Variants in COL3A1 observed in about 807,000 individuals in gnomAD.
COL3A1 encodes the protein collagen alpha-1(III) chain.
A neutral mutation model predicts 200.9 loss-of-function variants in COL3A1; 46 were observed. That is an observed-to-expected ratio of 0.23 (90% CI 0.18 to 0.29). COL3A1 has a LOEUF of 0.29. Ranked by LOEUF, COL3A1 falls within the 10% of genes least tolerant of loss-of-function variation. The probability of loss-of-function intolerance (pLI) is 1.00; values close to 1 mark genes in which losing one functional copy is unlikely to be tolerated. For synonymous variants in COL3A1, 650 were observed against 628.0 expected, an observed-to-expected ratio of 1.03 and a Z score of -0.52; for missense variants, 1,367 against 1,917.6, an observed-to-expected ratio of 0.71 and a Z score of 5.36.
At position 189,011,362 on chromosome 2, in the gene COL3A1, G is replaced by A. The variant is rs10208311; in HGVS notation, c.4255-266G>A. ...ATTTATAAACCTGTTAGCAATGGCC[G>A]GAACCAGGCCTCCTGAGGATGCACT... On this transcript the variant is annotated intron_variant, in intron 50 of 50. Coordinates refer to ENST00000304636, the MANE Select transcript of COL3A1 (RefSeq NM_000090.4). 0.068 allele frequency among the ~76,000 whole-genome samples: 10,362 copies of A among 152,202 alleles called. 998 individuals are homozygous for A. Among genetic ancestry groups the A allele is most frequent in the African/African-American group, 0.22 (8,991 of 41,494 alleles).
chr2:189,010,062 A>G, intron 48 of COL3A1, 116 bp from the exon 49 acceptor site: 1 of 954,334 alleles, frequency 1.0e-6, no homozygotes, highest in Non-Finnish European at 1.6e-6. Flanking sequence ...CATTCTATAC[A>G]TAAAATGCAG....
Position 189,010,347 on chromosome 2 carries a change from C to T in COL3A1, c.3993C>T (p.Ser1331=), listed in dbSNP as rs750815694. The change falls in exon 49 of 51, where the codon TCC becomes TCT. Residue 1331 remains serine, a synonymous_variant. Coordinates refer to ENST00000304636, the MANE Select transcript of COL3A1 (RefSeq NM_000090.4). The part of the protein sequence containing the change: ...AEKKHVWFGE[S]MDGGFQFSYG... ...AGAAACACGTTTGGTTTGGAGAGTC[C>T]ATGGATGGTGGTTTTCAGGTAGGAA... The T allele has an allele frequency of 6.8e-6, 11 of 1,613,916 alleles. No homozygotes were observed. In the African/African-American group the frequency reaches 1.1e-4, roughly 16 times the overall value.
chr2:189,005,226 A>G, intron 40 of COL3A1, 124 bp from the exon 41 acceptor site: 1 of 933,532 alleles, frequency 1.1e-6, no homozygotes, highest in Non-Finnish European at 1.7e-6. Context: ...CATAGTTTTA[A>G]TTTTAAAATT....
Position 189,012,158 on chromosome 2 carries a change from T to G in COL3A1, c.*384T>G, listed in dbSNP as rs1387503521. 2 of 190,766 alleles carry G rather than the reference T, an allele frequency of 1.0e-5. No individual in the cohort carries two copies. The highest frequency in any genetic ancestry group is 2.2e-5 in the Non-Finnish European group (2 of 91,090). 11.8% of individuals were successfully genotyped at this position (190,766 alleles called of 1,614,324 possible). ...CTTTCTGAAATAGTCAAATACGAAA[T>G]TAGAAAAGCCCTCCCTATTTTAACT... On this transcript the variant is annotated 3_prime_UTR_variant, in exon 51 of 51. Coordinates refer to ENST00000304636, the MANE Select transcript of COL3A1 (RefSeq NM_000090.4).
chr2:189,008,775 C>A, intron 47 of COL3A1, 149 bp from the exon 48 acceptor site: 1 of 836,184 alleles, frequency 1.2e-6, no homozygotes, highest in Non-Finnish European at 2.0e-6. Context: ...TCACGTGACC[C>A]TAAAGGCACC....
intron 7 of COL3A1, 78 bp from the exon 8 acceptor site, chr2:188,989,318 G>A: frequency 9.6e-7 from 1 of 1,039,476 alleles, no homozygotes. Context: ...TTCCTTCCAG[G>A]AATACATACA....
At chr2:188,996,317 C>T in intron 23 of COL3A1, 81 bp from the exon 24 acceptor site, 1 of 1,048,374 alleles carries the variant, frequency 9.5e-7, no homozygotes, top group Non-Finnish European at 1.5e-6. Context: ...CACACACACA[C>T]ACACACACAC....
At chr2:188,989,008 A>G (rs1200942920) in intron 7 of COL3A1, among the ~76,000 whole-genome samples, 4 of 151,830 alleles carry the variant, frequency 2.6e-5, no homozygotes, top group Non-Finnish European at 5.9e-5. Flanking sequence ...ATATACATAT[A>G]TCTTAGACAG....
chr2:188,980,334 G>A (rs1687923816), intron 1 of COL3A1, among the ~76,000 whole-genome samples: 1 of 149,394 alleles, frequency 6.7e-6, no homozygotes, highest in Non-Finnish European at 1.5e-5. Flanking sequence ...TCAACTTAAA[G>A]GACATTTCTA....
chr2:188,983,754 C>A (rs1282714903), intron 1 of COL3A1, among the ~76,000 whole-genome samples: 1 of 151,900 alleles, frequency 6.6e-6, no homozygotes, highest in African/African-American at 2.4e-5. Flanking sequence ...AACAGTACAT[C>A]ATTTGTTGTT....
At chr2:188,980,327 A>G (rs1057173536) in intron 1 of COL3A1, among the ~76,000 whole-genome samples, 15 of 150,570 alleles carry the variant, frequency 1.0e-4, no homozygotes, top group African/African-American at 3.6e-4. Context: ...ATATTAATCA[A>G]CTTAAAGGAC....
chr2:189,004,255 A>G lies in COL3A1; in HGVS notation c.2824-2A>G. The G allele has an allele frequency of 6.2e-7, 1 of 1,601,178 alleles. No homozygotes were observed. Among genetic ancestry groups the G allele is most frequent in the Non-Finnish European group, 8.5e-7 (1 of 1,173,770 alleles). ...GAGCTAAGTCTTCATTATCTGTATT[A>G]GGGAGCTCCAGGCCCACTTGGGATT... On this transcript the variant is annotated splice_acceptor_variant, in intron 39 of 50. Coordinates refer to ENST00000304636, the MANE Select transcript of COL3A1 (RefSeq NM_000090.4). LOFTEE classifies it high-confidence loss of function.
chr2:188,997,024 TG>T (rs1688340624), intron 24 of COL3A1, 140 bp from the exon 25 acceptor site: 3 of 199,410 alleles, frequency 1.5e-5, no homozygotes, highest in Non-Finnish European at 2.6e-5. Context: ...TATATATATA[TG>T]AGACATATAT....
At chr2:188,978,756 CAAAAAAAAAAAA>C (rs55694521) in intron 1 of COL3A1, among the ~76,000 whole-genome samples, 10 of 87,782 alleles carry the variant, frequency 1.1e-4, no homozygotes, top group African/African-American at 3.8e-4. Flanking sequence ...TTTCCACACT[CAAAAAAAAAAAA>C]AAAAAAAAGA....
At chr2:188,990,407 G>A in intron 10 of COL3A1, 47 bp downstream of exon 10, 2 of 1,497,794 alleles carry the variant, frequency 1.3e-6, no homozygotes, top group Non-Finnish European at 1.9e-6. Flanking sequence ...ACTGGGCTAT[G>A]TTTACTTGCC....
At chr2:189,009,648 TATTGTA>T in intron 48 of COL3A1, among the ~76,000 whole-genome samples, 1 of 152,178 alleles carries the variant, frequency 6.6e-6, no homozygotes, top group East Asian at 1.9e-4. Flanking sequence ...TTAAATAGAA[TATTGTA>T]ATAGTTTAAG....
At chr2:189,006,860 A>T in intron 43 of COL3A1, 77 bp from the exon 44 acceptor site, 1 of 1,380,718 alleles carries the variant, frequency 7.2e-7, no homozygotes, top group South Asian at 1.2e-5. Context: ...GAAATTATTT[A>T]CTTTTGAAAA....
At position 189,004,146 on chromosome 2, in the gene COL3A1, A is replaced by T; in HGVS notation, c.2823+3A>T. 1 of 1,614,022 alleles carries T rather than the reference A, an allele frequency of 6.2e-7. No homozygotes were observed. On this transcript the variant is annotated splice_donor_region_variant and intron_variant, in intron 39 of 50. Transcript: ENST00000304636. Reference sequence around the variant, plus strand: ...CGCCTGGTGCCCAGGGCCCACCAGTAAGTAACTTCATTTTTTTAAATTGAT... The same window carrying T: ...CGCCTGGTGCCCAGGGCCCACCAGTTAGTAACTTCATTTTTTTAAATTGAT...
intron 1 of COL3A1, among the ~76,000 whole-genome samples, chr2:188,982,342 G>A (rs1356202062): frequency 6.6e-6 from 1 of 151,734 alleles, no homozygotes; most frequent in Non-Finnish European, 1.5e-5. Flanking sequence ...TCAATATTGT[G>A]CTCATTTATT....
Sources: gnomAD v4.1 joint callset for allele counts (sites outside exome capture counted in the v4.1 genomes callset) on GRCh38, gnomAD v4.1.1 for gene constraint, MANE v1.5 for transcripts, NCBI Gene and HGNC (gene_info 2026-07-23, HGNC 2026-07-21) for gene names.